Variants in TTC23L observed in about 807,000 individuals in gnomAD.
The protein encoded by TTC23L is tetratricopeptide repeat domain 23 like.
TTC23L carries 42 observed loss-of-function variants against 48.1 expected under a neutral mutation model. The ratio of observed to expected loss-of-function variants is 0.87; its 90% CI spans 0.68 to 1.13. The LOEUF (loss-of-function observed/expected upper bound fraction) is 1.13, where lower values mean the gene tolerates loss of function less well. Among genes scored for constraint, TTC23L ranks in the 50% most tolerant of loss-of-function variants. The pLI is 0.00. For synonymous variants in TTC23L, 159 were observed against 157.2 expected (o/e 1.01, Z -0.09); for missense variants, 391 against 421.0 (o/e 0.93, Z 0.62).
At chr5:34,877,036 A>G (rs1250168753) in intron 8 of TTC23L, among the ~76,000 whole-genome samples, 1 of 152,208 alleles carries the variant, frequency 6.6e-6, no homozygotes, top group East Asian at 1.9e-4. Context: ...AGATCAATAC[A>G]TCTCATGAAC....
the TTC23L span, chr5:34,913,634 T>C: frequency 4.7e-6 from 5 of 1,060,324 alleles, no homozygotes; most frequent in East Asian, 9.9e-5. Context: ...ACTAATAATA[T>C]AAGGTCCTAG....
chr5:34,852,521 C>A (rs1759759261), intron 4 of TTC23L, among the ~76,000 whole-genome samples: 2 of 152,066 alleles, frequency 1.3e-5, no homozygotes, highest in South Asian at 4.1e-4. Context: ...AAAGAAGAGG[C>A]AAAGACCAGT....
chr5:34,880,558 T>G (rs1039835552), intron 9 of TTC23L: 2 of 472,988 alleles, frequency 4.2e-6, no homozygotes, highest in African/African-American at 4.0e-5. Context: ...CAGAGTAGGC[T>G]CAAAGTATTT....
intron 9 of TTC23L, among the ~76,000 whole-genome samples, chr5:34,891,279 A>T (rs187824720): frequency 6.6e-6 from 1 of 152,312 alleles, no homozygotes; most frequent in East Asian, 1.9e-4. Context: ...CTGTGATCTT[A>T]ACCTGCCTTT....
rs1760840288 is a variant in TTC23L at position 34,863,651 on chromosome 5, G to C, written c.536+597G>C. On this transcript the variant is annotated intron_variant, in intron 5 of 10. Transcript: ENST00000505624. This position sits in a 1 kb window ranked among gnomAD's most constrained non-coding sequence, Gnocchi z 4.1. ...AAATGCTCTTGTGGATACTGCCCATGAGGCTGGAGGCCAAGCAAAATAGAC... is the reference window on the plus strand; with the variant it reads ...AAATGCTCTTGTGGATACTGCCCATCAGGCTGGAGGCCAAGCAAAATAGAC... 6.6e-6 allele frequency among the ~76,000 whole-genome samples: 1 copy of C among 152,200 alleles called. No individual in the cohort carries two copies. The highest frequency in any genetic ancestry group is 2.4e-5 in the African/African-American group (1 of 41,446).
downstream of TTC23L, among the ~76,000 whole-genome samples, chr5:34,901,234 A>C (rs893507934): frequency 6.6e-6 from 1 of 152,204 alleles, no homozygotes; most frequent in Non-Finnish European, 1.5e-5. Context: ...CAAAAAAAAA[A>C]ACTTCCAATG....
At chr5:34,841,136 G>A (rs957146705) in intron 2 of TTC23L, among the ~76,000 whole-genome samples, 5 of 152,138 alleles carry the variant, frequency 3.3e-5, no homozygotes, top group African/African-American at 7.2e-5. Context: ...TACAACCTAT[G>A]CATGATAGAA....
the TTC23L span, among the ~76,000 whole-genome samples, chr5:34,910,432 CTTTTTTTT>C: frequency 7.0e-6 from 1 of 143,812 alleles, no homozygotes; most frequent in African/African-American, 2.5e-5. Context: ...TTTTTCTTTT[CTTTTTTTT>C]TTTTTGAGAC....
At chr5:34,884,032 C>T (rs557603834) in intron 9 of TTC23L, among the ~76,000 whole-genome samples, 7 of 152,210 alleles carry the variant, frequency 4.6e-5, no homozygotes, top group Admixed American at 4.6e-4. Flanking sequence ...CTAAATTTAA[C>T]AGCACATTAA....
intron 9 of TTC23L, 23 bp from the exon 10 acceptor site, chr5:34,896,747 G>A (rs1430040431): frequency 3.9e-6 from 3 of 769,428 alleles, no homozygotes; most frequent in Non-Finnish European, 4.8e-6. Context: ...TAGAGAGGGT[G>A]ACATTTGAGC....
intron 4 of TTC23L, among the ~76,000 whole-genome samples, chr5:34,862,674 A>G (rs1202980461): frequency 1.3e-5 from 2 of 152,150 alleles, no homozygotes; most frequent in African/African-American, 2.4e-5. Flanking sequence ...CTGGACCCCA[A>G]TTCTCTAGAG....
intron 4 of TTC23L, among the ~76,000 whole-genome samples, chr5:34,862,425 G>A (rs537633612): frequency 5.3e-5 from 8 of 152,244 alleles, no homozygotes; most frequent in Non-Finnish European, 7.4e-5. Flanking sequence ...CTTTGGTCCT[G>A]GACTATCTCT....
chr5:34,871,777 C>T (rs1379469552), intron 8 of TTC23L, among the ~76,000 whole-genome samples: 2 of 151,966 alleles, frequency 1.3e-5, no homozygotes, highest in African/African-American at 2.4e-5. Flanking sequence ...CAATGTAGTA[C>T]AGAAATAGAC....
the TTC23L span, chr5:34,906,940 G>A: frequency 2.0e-5 from 3 of 152,090 alleles, no homozygotes; most frequent in Admixed American, 1.3e-4. Flanking sequence ...AAAATACTCT[G>A]ACAACATTTA....
chr5:34,859,386 C>G (rs1760392775), intron 4 of TTC23L, among the ~76,000 whole-genome samples: 1 of 152,176 alleles, frequency 6.6e-6, no homozygotes. Flanking sequence ...TCCTCCAGAC[C>G]TGTGAAGACT....
At chr5:34,892,475 C>T (rs1443552380) in intron 9 of TTC23L, among the ~76,000 whole-genome samples, 2 of 152,120 alleles carry the variant, frequency 1.3e-5, no homozygotes, top group African/African-American at 2.4e-5. Context: ...TTCTTTTGTA[C>T]ATTTCTAGCT....
downstream of TTC23L, among the ~76,000 whole-genome samples, chr5:34,899,907 A>C (rs1449590022): frequency 1.3e-5 from 2 of 151,572 alleles, no homozygotes; most frequent in Non-Finnish European, 2.9e-5. Context: ...CAAACAAAAA[A>C]CAAACAAACA....
At chr5:34,862,550 G>A (rs1401439688) in intron 4 of TTC23L, among the ~76,000 whole-genome samples, 2 of 152,118 alleles carry the variant, frequency 1.3e-5, no homozygotes, top group African/African-American at 2.4e-5. Context: ...ATCAGGAATA[G>A]GATACTCACC....
intron 8 of TTC23L, 115 bp downstream of exon 8, chr5:34,869,128 G>A (rs1388392858): frequency 5.0e-6 from 4 of 796,446 alleles, no homozygotes; most frequent in Non-Finnish European, 8.3e-6. Context: ...GAAAAATTAG[G>A]TGGGTCACAG....
Sources: allele counts gnomAD v4.1 joint callset (sites outside exome capture counted in the v4.1 genomes callset), GRCh38; gene constraint gnomAD v4.1.1; non-coding constraint Gnocchi (gnomAD v3.1); transcripts MANE v1.5; gene names NCBI Gene and HGNC (gene_info 2026-07-23, HGNC 2026-07-21).